The following SDE2 variants were observed in gnomAD, a reference collection of about 807,000 sequenced individuals.
SDE2 encodes splicing regulator SDE2.
In SDE2, 31 loss-of-function variants were observed where a neutral mutation model predicts 46.9. The ratio of observed to expected loss-of-function variants is 0.66; its 90% CI spans 0.50 to 0.89. The LOEUF is 0.89. SDE2 is among the 40% of genes least tolerant of loss of function. SDE2 has a pLI of 0.00. For missense variants in SDE2, 542 were observed against 564.4 expected, an observed-to-expected ratio of 0.96 and a Z score of 0.40; for synonymous variants, 205 against 204.3, an observed-to-expected ratio of 1.00 and a Z score of -0.03.
intron 2 of SDE2, among the ~76,000 whole-genome samples, chr1:225,994,000 T>C (rs980514488): frequency 1.3e-5 from 2 of 150,802 alleles, no homozygotes; most frequent in Non-Finnish European, 3.0e-5. Context: ...AACTCCTGGG[T>C]TCAAACTGTC....
chr1:225,984,456 A>G lies in SDE2; in HGVS notation c.*846T>C, dbSNP rs989707815. 6 of 152,152 alleles carry G rather than the reference A, an allele frequency of 3.9e-5. No homozygotes were observed. Among genetic ancestry groups the G allele is most frequent in the Admixed American group, 1.3e-4 (2 of 15,268 alleles). The allele number at this position is 152,152 out of a possible 1,614,324, so 9.4% of individuals were successfully genotyped here. ...ACTCAAGCTAAATAGAAGAAAGAAA[A>G]TAACAGAAATTAATTATATAAACAA... is the stretch of plus-strand genomic sequence containing the variant. On this transcript the variant is annotated 3_prime_UTR_variant, in exon 7 of 7. Transcript: ENST00000272091.
At chr1:225,990,814 A>C (rs1461468620) in intron 5 of SDE2, among the ~76,000 whole-genome samples, 1 of 152,164 alleles carries the variant, frequency 6.6e-6, no homozygotes, top group Non-Finnish European at 1.5e-5. Context: ...GGACAAGAAA[A>C]AGTACTGCTG....
rs374145200 is a variant in SDE2, at chr1:225,992,535, C to T, written c.383G>A (p.Arg128Gln). The T allele has an allele frequency of 2.4e-5, 39 of 1,610,770 alleles. No homozygotes were observed. The highest frequency in any genetic ancestry group is 1.7e-4 in the Middle Eastern group (1 of 6,036). The change falls in exon 4 of 7, where the codon CGA becomes CAA. Residue 128 changes from arginine (R) to glutamine (Q), a missense_variant. Arg to Gln is a conservative substitution (Grantham distance 43). Around this residue, in one of 3 missense-constraint regions of SDE2, gnomAD observed 401 missense variants for 437.8 expected, o/e 0.92. Coordinates refer to ENST00000272091, the MANE Select transcript of SDE2 (RefSeq NM_152608.4). ...MAEWVKQQAE[R>Q]EAEKEQKRLE... is the part of the protein sequence containing the mutation. ...CCGCTTCTGCTCCTTTTCAGCCTCT[C>T]GCTCGGCTTGTTGTTTTACCCATTC...
intron 6 of SDE2, among the ~76,000 whole-genome samples, chr1:225,987,198 C>T (rs1194816784): frequency 6.6e-6 from 1 of 152,144 alleles, no homozygotes; most frequent in Non-Finnish European, 1.5e-5. Flanking sequence ...CGTGCACCAC[C>T]ATGCCCGGCT....
intron 1 of SDE2, among the ~76,000 whole-genome samples, chr1:225,998,111 G>A (rs1656572551): frequency 6.6e-6 from 1 of 152,078 alleles, no homozygotes; most frequent in Non-Finnish European, 1.5e-5. Flanking sequence ...CCGGGCAACG[G>A]GAGTCAAACT....
At chr1:225,990,508 T>C (rs976482965) in intron 5 of SDE2, among the ~76,000 whole-genome samples, 4 of 152,110 alleles carry the variant, frequency 2.6e-5, no homozygotes. Flanking sequence ...TCAAAAGTCG[T>C]AGAACCAATC....
chr1:225,986,157 C>T (rs891923446), intron 6 of SDE2, among the ~76,000 whole-genome samples: 5 of 151,822 alleles, frequency 3.3e-5, no homozygotes, highest in Non-Finnish European at 7.4e-5. Flanking sequence ...GGTGAAACCC[C>T]GTCTCTACTA....
At chr1:225,996,369 A>G (rs1289272305) in intron 1 of SDE2, among the ~76,000 whole-genome samples, 1 of 152,224 alleles carries the variant, frequency 6.6e-6, no homozygotes, top group East Asian at 1.9e-4. Context: ...GTATTTCTAA[A>G]TAATTTTAAA....
At chr1:225,989,871 T>C (rs74544304) in intron 5 of SDE2, among the ~76,000 whole-genome samples, 2,196 of 151,980 alleles carry the variant, frequency 0.014, 83 homozygotes, top group East Asian at 0.12. Flanking sequence ...CTCAGGAGTT[T>C]GAGACCAGCC....
chr1:225,987,812 G>A (rs1353545516), intron 6 of SDE2, 84 bp downstream of exon 6: 6 of 1,243,184 alleles, frequency 4.8e-6, no homozygotes, highest in South Asian at 2.9e-5. Context: ...GCAGCTGAGG[G>A]GCAAAAGCAC....
intron 5 of SDE2, among the ~76,000 whole-genome samples, chr1:225,989,013 A>G (rs953855780): frequency 2.0e-5 from 3 of 152,100 alleles, no homozygotes; most frequent in Non-Finnish European, 4.4e-5. Flanking sequence ...AATAATAAAT[A>G]GTTGGCCGGG....
At chr1:225,993,763 A>T (rs1235163856) in intron 2 of SDE2, among the ~76,000 whole-genome samples, 1 of 152,120 alleles carries the variant, frequency 6.6e-6, no homozygotes, top group African/African-American at 2.4e-5. Flanking sequence ...TCATTCATTC[A>T]TTCTTTTTAT....
chr1:225,993,846 T>C (rs1401995104), intron 2 of SDE2, among the ~76,000 whole-genome samples: 1 of 152,082 alleles, frequency 6.6e-6, no homozygotes, highest in Non-Finnish European at 1.5e-5. Flanking sequence ...CAAAGCTCAC[T>C]GCAGCCTTGA....
chr1:225,986,410 A>AT (rs994330168), intron 6 of SDE2, among the ~76,000 whole-genome samples: 27 of 151,916 alleles, frequency 1.8e-4, no homozygotes, highest in Admixed American at 1.0e-3. Flanking sequence ...TCTTTGAGTG[A>AT]TTTTTTATAT....
chr1:225,997,197 A>G (rs1285379390), intron 1 of SDE2, among the ~76,000 whole-genome samples: 2 of 152,130 alleles, frequency 1.3e-5, no homozygotes, highest in Non-Finnish European at 2.9e-5. Context: ...AGCTGGCTTT[A>G]TCTGTGTCTG....
chr1:225,986,340 A>T (rs1184961206), intron 6 of SDE2, among the ~76,000 whole-genome samples: 1 of 152,008 alleles, frequency 6.6e-6, no homozygotes, highest in Non-Finnish European at 1.5e-5. Context: ...GTCATTAAAA[A>T]AAAAAAAAAG....
In SDE2 at chr1:225,995,364, A is replaced by T; in HGVS notation, c.140T>A (p.Phe47Tyr). The T allele has an allele frequency of 6.2e-7, 1 of 1,605,108 alleles. No homozygotes were observed. Among genetic ancestry groups the T allele is most frequent in the Non-Finnish European group, 8.5e-7 (1 of 1,172,220 alleles). ...CQDQNVPVEN[F>Y]FVKCNGALIN... ...GAGTGCTCCATTGCATTTCACAAAG[A>T]AGTTTTCCACTGGAACATTCTAGAG... Residue 47 changes from phenylalanine to tyrosine, a missense_variant, in exon 2 of 7, where the codon TTC (phenylalanine) becomes TAC (tyrosine). Physicochemically the swap from Phe to Tyr is conservative, Grantham distance 22. Around this residue, in one of 3 missense-constraint regions of SDE2, gnomAD observed 135 missense variants for 106.5 expected, o/e 1.27. Transcript: ENST00000272091.
intron 6 of SDE2, among the ~76,000 whole-genome samples, chr1:225,986,335 TAAAA>T (rs937266609): frequency 6.6e-5 from 9 of 136,426 alleles, no homozygotes; most frequent in Non-Finnish European, 1.3e-4. Context: ...ACTCTGTCAT[TAAAA>T]AAAAAAAAAA....
At position 225,985,010 on chromosome 1, in the gene SDE2, G is replaced by T; in HGVS notation, c.*292C>A. The stretch of plus-strand genomic sequence containing the variant: ...CAAATTTGATAACCTGGGTCAAAAG[G>T]ATAGATTTCTTGGATAGATTCATTA... On this transcript the variant is annotated 3_prime_UTR_variant, in exon 7 of 7. Coordinates refer to ENST00000272091, the MANE Select transcript of SDE2 (RefSeq NM_152608.4). 2.8e-6 allele frequency: 1 copy of T among 351,214 alleles called. No individual in the cohort carries two copies. The highest frequency in any genetic ancestry group is 5.2e-6 in the Non-Finnish European group (1 of 193,248). 21.8% of individuals were successfully genotyped at this position (351,214 alleles called of 1,614,324 possible).
Sources: allele counts gnomAD v4.1 joint callset (sites outside exome capture counted in the v4.1 genomes callset), GRCh38; gene constraint gnomAD v4.1.1; regional missense constraint gnomAD v4.1.1; transcripts MANE v1.5; gene names NCBI Gene and HGNC (gene_info 2026-07-23, HGNC 2026-07-21).